Variants in ZSCAN18 observed in about 807,000 individuals in gnomAD.
ZSCAN18 encodes the protein zinc finger and SCAN domain-containing protein 18.
Under a neutral mutation model 31.1 loss-of-function variants are expected in ZSCAN18, and 16 were observed. The observed-to-expected ratio is 0.51, with a 90% CI of 0.35 to 0.78. The LOEUF (loss-of-function observed/expected upper bound fraction) is 0.78. Ranked by LOEUF, ZSCAN18 falls within the 30% of genes least tolerant of loss-of-function variation. ZSCAN18 has a pLI of 0.01. For missense variants in ZSCAN18, 731 were observed against 697.4 expected (o/e 1.05, Z -0.54); for synonymous variants, 375 against 320.7 (o/e 1.17, Z -1.81).
intron 1 of ZSCAN18, among the ~76,000 whole-genome samples, chr19:58,095,825 C>T (rs934970349): frequency 5.3e-5 from 8 of 152,328 alleles, no homozygotes; most frequent in African/African-American, 1.9e-4. Context: ...CCTCTGCCTC[C>T]ACTTCCTCCA....
At chr19:58,112,688 G>A (rs577384140) in intron 1 of ZSCAN18, among the ~76,000 whole-genome samples, 3 of 151,426 alleles carry the variant, frequency 2.0e-5, no homozygotes, top group East Asian at 3.9e-4. Context: ...CTCAGCTGAC[G>A]CCTGTAATCC....
chr19:58,107,676 A>C (rs1274624290), intron 1 of ZSCAN18: 1 of 987,042 alleles, frequency 1.0e-6, no homozygotes, highest in Admixed American at 6.1e-5. Context: ...AACAACATAA[A>C]CTCTTCAACA....
intron 1 of ZSCAN18, among the ~76,000 whole-genome samples, chr19:58,097,608 G>A (rs943811854): frequency 1.3e-5 from 2 of 151,498 alleles, no homozygotes; most frequent in African/African-American, 4.9e-5. Flanking sequence ...CCCTGCTCCA[G>A]CCCCTGGGGC....
intron 2 of ZSCAN18, among the ~76,000 whole-genome samples, chr19:58,089,049 A>G (rs2074346608): frequency 6.6e-6 from 1 of 152,038 alleles, no homozygotes; most frequent in South Asian, 2.1e-4. Context: ...CACGCCTGTA[A>G]TCCCAGCACT....
intron 1 of ZSCAN18, among the ~76,000 whole-genome samples, chr19:58,112,485 C>T (rs1179983142): frequency 1.3e-5 from 2 of 151,582 alleles, no homozygotes; most frequent in Non-Finnish European, 2.9e-5. Context: ...CCCGTCTCCA[C>T]CAAAAATACA....
Position 58,084,631 on chromosome 19 carries a change from T to G in ZSCAN18, c.*54A>C. 3 of 1,417,834 alleles carry G rather than the reference T, an allele frequency of 2.1e-6. No homozygotes were observed. The highest frequency in any genetic ancestry group is 2.8e-6 in the Non-Finnish European group (3 of 1,086,096). The allele number at this position is 1,417,834 out of a possible 1,614,324, so 87.8% of individuals were successfully genotyped here. Reference sequence around the variant, plus strand: ...GGGCGTGGAAAGGCCCAATGCCTCGTCTGGGATTCACGGCCGGCAAAGCGG... The same window carrying G: ...GGGCGTGGAAAGGCCCAATGCCTCGGCTGGGATTCACGGCCGGCAAAGCGG... On this transcript the variant is annotated 3_prime_UTR_variant, in exon 7 of 7. Transcript: ENST00000601144. The surrounding 1 kb of genome is among the most constrained non-coding windows in gnomAD (Gnocchi z 4.5).
chr19:58,117,269 T>G (rs1306966520), intron 1 of ZSCAN18, among the ~76,000 whole-genome samples: 3 of 149,704 alleles, frequency 2.0e-5, no homozygotes, highest in Admixed American at 1.3e-4. Context: ...TGGGGGAGAG[T>G]AGATGCTCAG....
At position 58,086,206 on chromosome 19, in the gene ZSCAN18, A is replaced by C. The variant is rs2074276581; in HGVS notation, c.806T>G (p.Val269Gly). 1 of 1,613,788 alleles carries C rather than the reference A, an allele frequency of 6.2e-7. No individual in the cohort carries two copies. Among genetic ancestry groups the C allele is most frequent in the Non-Finnish European group, 8.5e-7 (1 of 1,179,912 alleles). ...GCTGCTTCCTTGTGGATCTCTTTCC[A>C]CCAACCGGAGTTCCTCAGTGTCCAG... ...SRLDTEELRL[V>G]ERDPQGSSLP... Residue 269 changes from valine (V) to glycine (G), a missense_variant, in exon 6 of 7, where the codon GTG becomes GGG. Val to Gly is a moderately radical substitution (Grantham distance 109). Transcript: ENST00000601144.
At chr19:58,111,870 G>A (rs1436539728) in intron 1 of ZSCAN18, among the ~76,000 whole-genome samples, 2 of 152,120 alleles carry the variant, frequency 1.3e-5, no homozygotes, top group African/African-American at 2.4e-5. Context: ...CGAGCAAGTA[G>A]GACTGTTCAT....
At chr19:58,104,467 G>C (rs1298654996) in intron 1 of ZSCAN18, among the ~76,000 whole-genome samples, 1 of 152,002 alleles carries the variant, frequency 6.6e-6, no homozygotes, top group East Asian at 1.9e-4. Flanking sequence ...GGGAGGCAGA[G>C]ATGGGCAGAT....
chr19:58,113,791 G>C (rs966142718), intron 1 of ZSCAN18, among the ~76,000 whole-genome samples: 1 of 151,908 alleles, frequency 6.6e-6, no homozygotes, highest in Non-Finnish European at 1.5e-5. Flanking sequence ...CCAGCCTAGG[G>C]AACATGGTGA....
chr19:58,090,372 C>G lies in ZSCAN18; in HGVS notation c.-105G>C. ...AGATGCCCAGTGGGCTCAGGTGGTG[C>G]CAGAACCCACAGACCTGCAGAGGAC... On this transcript the variant is annotated 5_prime_UTR_variant, in exon 2 of 7. Transcript: ENST00000601144. This position sits in a 1 kb window ranked among gnomAD's most constrained non-coding sequence, Gnocchi z 4.7. 1 of 1,578,716 alleles carries G rather than the reference C, an allele frequency of 6.3e-7. No homozygotes were observed. Among genetic ancestry groups the G allele is most frequent in the Non-Finnish European group, 8.6e-7 (1 of 1,159,878 alleles).
At chr19:58,089,110 C>A (rs1439986861) in intron 2 of ZSCAN18, among the ~76,000 whole-genome samples, 1 of 143,332 alleles carries the variant, frequency 7.0e-6, no homozygotes, top group Admixed American at 7.0e-5. Context: ...GAGGCCATCC[C>A]GGCTAAAACG....
intron 5 of ZSCAN18, 42 bp downstream of exon 5, chr19:58,086,864 G>C (rs377425653): frequency 1.1e-4 from 171 of 1,505,840 alleles, no homozygotes; most frequent in Non-Finnish European, 1.4e-4. Context: ...CTGCGGAAGG[G>C]GATGGGGAGT....
upstream of ZSCAN18, among the ~76,000 whole-genome samples, chr19:58,099,105 T>A (rs2074570842): frequency 6.6e-6 from 1 of 151,904 alleles, no homozygotes; most frequent in Admixed American, 6.6e-5. Context: ...AACTGATTTT[T>A]AAAATGTATA....
rs1386665928 is a variant in ZSCAN18, at chr19:58,085,155, T to C, written c.1063A>G (p.Ile355Val). 1.2e-6 allele frequency: 2 copies of C among 1,610,844 alleles called. No individual in the cohort carries two copies. Among genetic ancestry groups the C allele is most frequent in the African/African-American group, 1.3e-5 (1 of 74,998 alleles). ...SATGSQRQSVIQQPAPDRGTA... is the reference protein window; with the variant it reads ...SATGSQRQSVVQQPAPDRGTA... ...CCCCTGTCCGGGGCAGGCTGCTGGA[T>C]GACGGACTGCCTCTGCGATCCGGTG... Residue 355 changes from isoleucine to valine, a missense_variant, in exon 7 of 7, where the codon ATC becomes GTC. Ile to Val is a conservative substitution (Grantham distance 29). Around this residue, in one of 4 missense-constraint regions of ZSCAN18, gnomAD observed 597 missense variants for 499.5 expected, o/e 1.20. Coordinates refer to ENST00000601144, the MANE Select transcript of ZSCAN18 (RefSeq NM_001145543.2).
chr19:58,116,208 C>A (rs2074729047), intron 1 of ZSCAN18, among the ~76,000 whole-genome samples: 1 of 145,966 alleles, frequency 6.9e-6, no homozygotes, highest in African/African-American at 2.6e-5. Flanking sequence ...TAAAAAAAAC[C>A]CCCAAAAAAC....
chr19:58,115,918 C>G (rs554681008), intron 1 of ZSCAN18, among the ~76,000 whole-genome samples: 1 of 151,970 alleles, frequency 6.6e-6, no homozygotes, highest in South Asian at 2.1e-4. Context: ...CTCCCTAAAG[C>G]ACTGGTGGAA....
chr19:58,089,025 C>T (rs926645879), intron 2 of ZSCAN18, among the ~76,000 whole-genome samples, 188 bp from the exon 3 acceptor site: 2 of 152,036 alleles, frequency 1.3e-5, no homozygotes, highest in South Asian at 2.1e-4. Context: ...GGCTGGGGGC[C>T]GGGCGCGGTG....
Sources: allele counts gnomAD v4.1 joint callset (sites outside exome capture counted in the v4.1 genomes callset), GRCh38; gene constraint gnomAD v4.1.1; regional missense constraint gnomAD v4.1.1; non-coding constraint Gnocchi (gnomAD v3.1); transcripts MANE v1.5; gene names NCBI Gene and HGNC (gene_info 2026-07-23, HGNC 2026-07-21).